Variants in TMEM59 observed in about 807,000 individuals in gnomAD.
The protein encoded by TMEM59 is transmembrane protein 59, also known as dendritic cell factor 1.
A neutral mutation model predicts 42.2 loss-of-function variants in TMEM59; 44 were observed. The observed-to-expected ratio is 1.04, with a 90% CI of 0.82 to 1.34. The LOEUF (loss-of-function observed/expected upper bound fraction) is 1.34. Ranked by LOEUF, TMEM59 falls within the 40% of genes most tolerant of loss-of-function variation. The pLI, the probability that TMEM59 is intolerant of heterozygous loss-of-function variation, is 0.00. For missense variants in TMEM59, 359 were observed against 382.8 expected (o/e 0.94, Z 0.52); for synonymous variants, 148 against 145.8 (o/e 1.02, Z -0.11).
At chr1:54,050,484 C>T (rs1309151550) in intron 1 of TMEM59, among the ~76,000 whole-genome samples, 1 of 151,742 alleles carries the variant, frequency 6.6e-6, no homozygotes, top group Non-Finnish European at 1.5e-5. Flanking sequence ...CATCTAATTT[C>T]TTACAATACA....
chr1:54,041,129 T>C (rs1657124538), intron 5 of TMEM59, among the ~76,000 whole-genome samples: 1 of 152,204 alleles, frequency 6.6e-6, no homozygotes, highest in African/African-American at 2.4e-5. Context: ...TTAAAGATGG[T>C]CTTATGTTAT....
At chr1:54,050,288 A>G (rs1000574641) in intron 1 of TMEM59, among the ~76,000 whole-genome samples, 1 of 150,728 alleles carries the variant, frequency 6.6e-6, no homozygotes, top group South Asian at 2.1e-4. Flanking sequence ...ATGTTCGGCT[A>G]ATTTTTGTAT....
chr1:54,038,660 T>A (rs1332212844), intron 6 of TMEM59, among the ~76,000 whole-genome samples: 1 of 152,174 alleles, frequency 6.6e-6, no homozygotes, highest in Non-Finnish European at 1.5e-5. Context: ...AAGTAAATAG[T>A]TACAGCAGAA....
rs553365380 is a variant in TMEM59 at position 54,050,624 on chromosome 1, C to T, written c.189+2376G>A. ...TGTCGCCCAGGCTGGAGTGCGGTGG[C>T]GCGGGCTCACTGCAACCTCTGTCTC... On this transcript the variant is annotated intron_variant, in intron 1 of 7. Coordinates refer to ENST00000234831, the MANE Select transcript of TMEM59 (RefSeq NM_004872.5). Among the ~76,000 whole-genome samples, 175 of 149,118 alleles carry T rather than the reference C, an allele frequency of 1.2e-3. 1 individual carries two copies. Among genetic ancestry groups the T allele is most frequent in the Non-Finnish European group, 2.0e-3 (132 of 67,388 alleles).
Position 54,028,349 on chromosome 1 carries a change from T to C in TMEM59, c.*3801A>G, listed in dbSNP as rs914866133. The C allele has an allele frequency of 6.6e-6, 1 of 152,228 alleles. No individual in the cohort carries two copies. Among genetic ancestry groups the C allele is most frequent in the African/African-American group, 2.4e-5 (1 of 41,450 alleles). The allele number at this position is 152,228 out of a possible 1,614,324, so 9.4% of individuals were successfully genotyped here. A position where few individuals can be genotyped will look rare whatever the true frequency, so the allele number is the denominator to read the frequency against. On this transcript the variant is annotated 3_prime_UTR_variant, in exon 8 of 8. Coordinates refer to ENST00000234831, the MANE Select transcript of TMEM59 (RefSeq NM_004872.5). ...AAAAGAACTCTGAGGCTAAGATTAT[T>C]GTTGGCCTCTGGACTTGCCCTTTCT...
upstream of TMEM59, chr1:54,053,295 C>T (rs1024194327): frequency 2.2e-6 from 3 of 1,392,162 alleles, no homozygotes; most frequent in African/African-American, 1.4e-5. Context: ...CCGTTGCTTC[C>T]GCCTCCGCTG....
At chr1:54,048,635 G>GC in intron 1 of TMEM59, 1 of 424,792 alleles carries the variant, frequency 2.4e-6, no homozygotes, top group Admixed American at 2.8e-5. Flanking sequence ...ATATGGGGGA[G>GC]CCCCCTCGAC....
At chr1:54,040,515 A>G (rs957081995) in intron 6 of TMEM59, among the ~76,000 whole-genome samples, 3 of 152,344 alleles carry the variant, frequency 2.0e-5, no homozygotes, top group Non-Finnish European at 4.4e-5. Flanking sequence ...AACATAAATC[A>G]AGAGATTCTA....
At chr1:54,041,135 G>T (rs1657125026) in intron 5 of TMEM59, among the ~76,000 whole-genome samples, 1 of 152,148 alleles carries the variant, frequency 6.6e-6, no homozygotes, top group South Asian at 2.1e-4. Flanking sequence ...ATGGTCTTAT[G>T]TTATGTGCTA....
intron 1 of TMEM59, among the ~76,000 whole-genome samples, chr1:54,050,527 G>A (rs766585068): frequency 1.3e-5 from 2 of 151,628 alleles, no homozygotes; most frequent in Non-Finnish European, 1.5e-5. Flanking sequence ...AAGCACAGAG[G>A]AGAGCCAATA....
In TMEM59 at chr1:54,047,414, T is replaced by C. The variant is rs779452336; in HGVS notation, c.190-42A>G. The C allele has an allele frequency of 4.8e-6, 7 of 1,465,470 alleles. No homozygotes were observed. The African/African-American group carries it at 1.0e-4, about 21-fold the overall frequency. The allele number at this position is 1,465,470 out of a possible 1,614,324, so 90.8% of individuals were successfully genotyped here. ...CAGGAAGGGTTACCAAAAAATAGTATTTTTTTTTCCTCAGGGGAAAACAGG... is the reference window on the plus strand; with the variant it reads ...CAGGAAGGGTTACCAAAAAATAGTACTTTTTTTTCCTCAGGGGAAAACAGG... On this transcript the variant is annotated intron_variant, in intron 1 of 7. Coordinates refer to ENST00000234831, the MANE Select transcript of TMEM59 (RefSeq NM_004872.5).
At chr1:54,047,472 A>C in intron 1 of TMEM59, 100 bp from the exon 2 acceptor site, 1 of 925,404 alleles carries the variant, frequency 1.1e-6, no homozygotes, top group Non-Finnish European at 1.7e-6. Flanking sequence ...AGTTTATTAC[A>C]AATCGTCCAG....
At chr1:54,035,636 C>T (rs1656918544) in intron 7 of TMEM59, among the ~76,000 whole-genome samples, 1 of 151,596 alleles carries the variant, frequency 6.6e-6, no homozygotes, top group African/African-American at 2.4e-5. Flanking sequence ...TTTTGAGACT[C>T]AGGGTCTTGT....
At chr1:54,045,842 A>G in intron 2 of TMEM59, 56 bp from the exon 3 acceptor site, 1 of 1,474,228 alleles carries the variant, frequency 6.8e-7, no homozygotes, top group Non-Finnish European at 9.2e-7. Flanking sequence ...GAAAGAGGAA[A>G]GAAAAGGATT....
intron 2 of TMEM59, among the ~76,000 whole-genome samples, chr1:54,046,504 A>C (rs1657340935): frequency 6.6e-6 from 1 of 152,176 alleles, no homozygotes; most frequent in African/African-American, 2.4e-5. Flanking sequence ...TTCCCAACTC[A>C]GTAATGCATT....
At chr1:54,040,942 G>T in intron 5 of TMEM59, 105 bp from the exon 6 acceptor site, 1 of 869,122 alleles carries the variant, frequency 1.2e-6, no homozygotes, top group Non-Finnish European at 1.8e-6. Flanking sequence ...AATTGTTTTT[G>T]TTTGTGTCAT....
At position 54,053,004 on chromosome 1, in the gene TMEM59, G is replaced by A. The variant is rs373504322; in HGVS notation, c.185C>T (p.Pro62Leu). 71 of 1,613,366 alleles carry A rather than the reference G, an allele frequency of 4.4e-5. No individual in the cohort carries two copies. The Middle Eastern group carries it at 4.9e-4, about 11-fold the overall frequency. ...CCCGCTCCGGACGGGCCCTACCTTAGGGTAGGTGTGCAAGGGGTAGGTCAA... is the reference window on the plus strand; with the variant it reads ...CCCGCTCCGGACGGGCCCTACCTTAAGGTAGGTGTGCAAGGGGTAGGTCAA... Reference protein sequence around the residue: ...CQLTYPLHTYPKEEELYACQR... With the variant: ...CQLTYPLHTYLKEEELYACQR... Residue 62 changes from proline (P) to leucine (L), a missense_variant, in exon 1 of 8, where the codon CCT (proline) becomes CTT (leucine). Pro to Leu is a moderately conservative substitution (Grantham distance 98, BLOSUM62 -3). Coordinates refer to ENST00000234831, the MANE Select transcript of TMEM59 (RefSeq NM_004872.5).
At chr1:54,047,413 AT>A (rs201517740) in intron 1 of TMEM59, 41 bp from the exon 2 acceptor site, 147 of 1,509,814 alleles carry the variant, frequency 9.7e-5, no homozygotes, top group Middle Eastern at 3.4e-4. Flanking sequence ...AAAAAATAGT[AT>A]TTTTTTTTCC....
At chr1:54,040,987 G>T in intron 5 of TMEM59, 150 bp from the exon 6 acceptor site, 1 of 614,432 alleles carries the variant, frequency 1.6e-6, no homozygotes. Context: ...AGTTTCTCTA[G>T]CACATCAAAA....
Sources: allele counts gnomAD v4.1 joint callset (sites outside exome capture counted in the v4.1 genomes callset), GRCh38; gene constraint gnomAD v4.1.1; transcripts MANE v1.5; gene names NCBI Gene and HGNC (gene_info 2026-07-23, HGNC 2026-07-21).